Variants in PIK3C2G observed in about 807,000 individuals in gnomAD.
PIK3C2G encodes the protein phosphatidylinositol-4-phosphate 3-kinase catalytic subunit type 2 gamma, also known as phosphatidylinositol 3-kinase C2 domain-containing subunit gamma.
In PIK3C2G, 168 loss-of-function variants were observed where a neutral mutation model predicts 181.1. The ratio of observed to expected loss-of-function variants is 0.93; its 90% CI spans 0.82 to 1.05. The LOEUF (loss-of-function observed/expected upper bound fraction) is 1.05. Ranked by LOEUF, PIK3C2G falls within the 50% of genes least tolerant of loss-of-function variation. The pLI is 0.00. For synonymous variants in PIK3C2G, 573 were observed against 592.2 expected, an observed-to-expected ratio of 0.97 and a Z score of 0.47; for missense variants, 1,869 against 1,732.8, an observed-to-expected ratio of 1.08 and a Z score of -1.40.
At chr12:18,327,292 GCTTT>G (rs1409605660) in intron 8 of PIK3C2G, among the ~76,000 whole-genome samples, 1 of 151,974 alleles carries the variant, frequency 6.6e-6, no homozygotes, top group African/African-American at 2.4e-5. Context: ...ACAATTTTGC[GCTTT>G]CTATTCATTT....
rs1444155357 is a variant in PIK3C2G at position 18,448,893 on chromosome 12, GACAC to G, written c.2504+24855_2504+24858del. 9.3e-3 allele frequency among the ~76,000 whole-genome samples: 1,413 copies of G among 151,862 alleles called. 22 individuals are homozygous for G. Among genetic ancestry groups the G allele is most frequent in the African/African-American group, 0.033 (1,368 of 41,426 alleles). On this transcript the variant is annotated intron_variant, in intron 18 of 32. Coordinates refer to ENST00000538779, the MANE Select transcript of PIK3C2G (RefSeq NM_001288772.2). ...TATCCATCCTCCCCAACCACTGATG[GACAC>G]TTAAGTTGTTTTTATTTCTTGGCTA...
chr12:18,257,521 T>C (rs113608181), upstream of PIK3C2G, among the ~76,000 whole-genome samples: 354 of 152,118 alleles, frequency 2.3e-3, no homozygotes, highest in African/African-American at 8.2e-3. Context: ...GGGAATCAGC[T>C]ATCACCACTA....
intron 12 of PIK3C2G, among the ~76,000 whole-genome samples, chr12:18,368,287 T>C (rs1427865673): frequency 6.6e-6 from 1 of 152,216 alleles, no homozygotes; most frequent in Non-Finnish European, 1.5e-5. Context: ...ATGAATATAA[T>C]GCGGTATACA....
intron 8 of PIK3C2G, among the ~76,000 whole-genome samples, chr12:18,332,214 C>T (rs1938045918): frequency 6.6e-6 from 1 of 152,034 alleles, no homozygotes; most frequent in South Asian, 2.1e-4. Flanking sequence ...CATTTCCCTC[C>T]CTGTAGGATC....
At chr12:18,394,091 T>A (rs968848403) in intron 15 of PIK3C2G, among the ~76,000 whole-genome samples, 5 of 152,086 alleles carry the variant, frequency 3.3e-5, no homozygotes, top group African/African-American at 1.2e-4. Flanking sequence ...AGCCACACAA[T>A]GCTGGGAGAC....
intron 18 of PIK3C2G, among the ~76,000 whole-genome samples, chr12:18,486,209 A>T (rs1940014881): frequency 6.6e-6 from 1 of 152,190 alleles, no homozygotes; most frequent in Non-Finnish European, 1.5e-5. Flanking sequence ...TCTCACCAGG[A>T]GAACATGTAA....
At chr12:18,326,200 T>A (rs7964523) in intron 8 of PIK3C2G, among the ~76,000 whole-genome samples, 1,998 of 152,282 alleles carry the variant, frequency 0.013, 43 homozygotes, top group African/African-American at 0.046. Flanking sequence ...AATGATGGGT[T>A]CATTATAAGG....
At chr12:18,361,496 A>C (rs1337785020) in intron 11 of PIK3C2G, among the ~76,000 whole-genome samples, 7 of 151,472 alleles carry the variant, frequency 4.6e-5, no homozygotes, top group Non-Finnish European at 8.8e-5. Context: ...AAAACAGCTA[A>C]CTCTCTCAGT....
At chr12:18,635,030 T>C (rs1295976587) in intron 31 of PIK3C2G, among the ~76,000 whole-genome samples, 3 of 152,180 alleles carry the variant, frequency 2.0e-5, no homozygotes, top group East Asian at 1.9e-4. Flanking sequence ...CCATTTCTCC[T>C]TCCAAGCAAA....
At chr12:18,719,312 T>G in the PIK3C2G span, 13 of 520,236 alleles carry the variant, frequency 2.5e-5, no homozygotes, top group Middle Eastern at 5.3e-4. Flanking sequence ...CTATTCCCTA[T>G]GAGTTTGGAT....
At chr12:18,539,438 G>C (rs1019304701) in intron 25 of PIK3C2G, among the ~76,000 whole-genome samples, 1 of 151,736 alleles carries the variant, frequency 6.6e-6, no homozygotes, top group African/African-American at 2.4e-5. Context: ...ATTCATTTAT[G>C]TTATTATACT....
At chr12:18,679,134 A>G in the PIK3C2G span, among the ~76,000 whole-genome samples, 1 of 152,054 alleles carries the variant, frequency 6.6e-6, no homozygotes, top group Non-Finnish European at 1.5e-5. Context: ...TCCTTTTGGC[A>G]AGTGCCTGTT....
the PIK3C2G span, among the ~76,000 whole-genome samples, chr12:18,703,462 C>A: frequency 3.9e-5 from 6 of 152,154 alleles, no homozygotes; most frequent in Non-Finnish European, 2.9e-5. Context: ...AGCTGTTTTT[C>A]TTCGATGGTG....
Position 18,423,946 on chromosome 12 carries a change from C to T in PIK3C2G, c.2411C>T (p.Ala804Val). 1 of 1,598,688 alleles carries T rather than the reference C, an allele frequency of 6.3e-7. No homozygotes were observed. Among genetic ancestry groups the T allele is most frequent in the Non-Finnish European group, 8.6e-7 (1 of 1,168,094 alleles). ...AAGTAATTGTGTCTCTTACTTCAGG[C>T]TGTCAAGTTTGAATGGAACCTTGAG... ...LLEYLPQLVQ[A>V]VKFEWNLESP... is the part of the protein sequence containing the mutation. The change falls in exon 18 of 33, where the codon GCT (alanine) becomes GTT (valine). Residue 804 changes from alanine (A) to valine (V), a missense_variant and splice_region_variant. Coordinates refer to ENST00000538779, the MANE Select transcript of PIK3C2G (RefSeq NM_001288772.2).
At chr12:18,452,040 G>A (rs541543331) in intron 18 of PIK3C2G, among the ~76,000 whole-genome samples, 5 of 152,208 alleles carry the variant, frequency 3.3e-5, no homozygotes, top group African/African-American at 1.2e-4. Flanking sequence ...TTCTTTTTTT[G>A]TTGTGTCTCT....
In PIK3C2G at chr12:18,638,287, C is replaced by T. The variant is rs148367125; in HGVS notation, c.4183-2142C>T. Among the ~76,000 whole-genome samples the T allele has an allele frequency of 5.7e-3, 867 of 152,262 alleles. 2 individuals are homozygous for T. The highest frequency in any genetic ancestry group is 0.014 in the Middle Eastern group (4 of 294). The stretch of plus-strand genomic sequence containing the variant: ...CCTCAGAGGAGGCTATCACTATTTG[C>T]TCAGACAGTGCAGAGCTGATCCTCT... On this transcript the variant is annotated intron_variant, in intron 31 of 32. Transcript: ENST00000538779.
intron 13 of PIK3C2G, among the ~76,000 whole-genome samples, chr12:18,376,489 G>C (rs1391166531): frequency 1.3e-5 from 2 of 152,174 alleles, no homozygotes; most frequent in African/African-American, 4.8e-5. Flanking sequence ...CTGATCTCCA[G>C]ATGAGACTTT....
At chr12:18,430,224 C>A (rs181418381) in intron 18 of PIK3C2G, among the ~76,000 whole-genome samples, 4 of 152,266 alleles carry the variant, frequency 2.6e-5, no homozygotes, top group Admixed American at 2.6e-4. Context: ...CTATGGGATA[C>A]ATCGTAGGTA....
intron 18 of PIK3C2G, among the ~76,000 whole-genome samples, chr12:18,436,466 T>C (rs1318557733): frequency 6.6e-6 from 1 of 152,078 alleles, no homozygotes; most frequent in Non-Finnish European, 1.5e-5. Context: ...AGATTCTTTT[T>C]GCAGACATTA....
Sources: gnomAD v4.1 joint callset for allele counts (sites outside exome capture counted in the v4.1 genomes callset) on GRCh38, gnomAD v4.1.1 for gene constraint, MANE v1.5 for transcripts, NCBI Gene and HGNC (gene_info 2026-07-23, HGNC 2026-07-21) for gene names.